Variants in DRC4 observed in about 807,000 individuals in gnomAD.
The protein encoded by DRC4 is GAS-11.
the DRC4 span, chr16:90,020,065 G>T: frequency 1.5e-6 from 1 of 674,790 alleles, no homozygotes; most frequent in Admixed American, 2.1e-5. Context: ...GCCAGCTCCT[G>T]GCCTGGGCCA....
the DRC4 span, chr16:90,035,979 C>G: frequency 1.7e-6 from 2 of 1,180,002 alleles, no homozygotes; most frequent in Non-Finnish European, 2.3e-6. Context: ...GGGCAGCCTT[C>G]TTAAAATAGT....
chr16:90,039,374 T>C, the DRC4 span, among the ~76,000 whole-genome samples: 4 of 150,860 alleles, frequency 2.7e-5, no homozygotes, highest in African/African-American at 2.4e-5. Context: ...TATTTATTTA[T>C]TTATTTATTT....
the DRC4 span, among the ~76,000 whole-genome samples, chr16:90,038,140 T>C: frequency 6.6e-6 from 1 of 152,228 alleles, no homozygotes; most frequent in African/African-American, 2.4e-5. Context: ...GGGGTCTTGA[T>C]GGGGAACGGA....
At chr16:90,031,318 G>T in the DRC4 span, 2 of 1,612,930 alleles carry the variant, frequency 1.2e-6, no homozygotes, top group African/African-American at 1.3e-5. Flanking sequence ...CATGTCAGCC[G>T]CATCCGGGAG....
At chr16:90,040,112 G>A in the DRC4 span, 23 of 628,920 alleles carry the variant, frequency 3.7e-5, no homozygotes, top group African/African-American at 5.4e-5. Flanking sequence ...CTTCCACTGC[G>A]TGGATGGCTC....
the DRC4 span, chr16:90,043,034 A>C: frequency 1.4e-6 from 1 of 722,270 alleles, no homozygotes; most frequent in Non-Finnish European, 2.2e-6. Context: ...AACGCAGTGA[A>C]GGTGCTTGGA....
chr16:90,043,240 C>T, the DRC4 span: 8 of 1,613,586 alleles, frequency 5.0e-6, no homozygotes, highest in Non-Finnish European at 5.9e-6. Flanking sequence ...AGCTGCTGGC[C>T]TTCGGGATCC....
At chr16:90,039,996 A>G in the DRC4 span, 1 of 421,004 alleles carries the variant, frequency 2.4e-6, no homozygotes, top group Non-Finnish European at 4.5e-6. Flanking sequence ...TCGGCCACCC[A>G]TGAAGCAGCT....
chr16:90,041,052 G>A, the DRC4 span, among the ~76,000 whole-genome samples: 1 of 152,166 alleles, frequency 6.6e-6, no homozygotes, highest in Non-Finnish European at 1.5e-5. Context: ...ACAGGCAGGT[G>A]AGGGAGTGAG....
the DRC4 span, chr16:90,037,432 G>A: frequency 3.5e-5 from 56 of 1,589,512 alleles, 1 homozygote; most frequent in East Asian, 1.2e-3. Flanking sequence ...CTCCCTCCTT[G>A]GCATGAGCTT....
the DRC4 span, among the ~76,000 whole-genome samples, chr16:90,033,902 C>T: frequency 2.9e-4 from 44 of 150,802 alleles, no homozygotes; most frequent in Non-Finnish European, 2.9e-5. Flanking sequence ...GGCTGGGAGA[C>T]GGGATGGGCC....
the DRC4 span, chr16:90,029,341 A>G: frequency 1.3e-5 from 17 of 1,353,152 alleles, no homozygotes; most frequent in African/African-American, 1.9e-4. Flanking sequence ...GGACAGTTTC[A>G]TCTGTTCACT....
At chr16:90,028,172 C>CTTTTT in the DRC4 span, among the ~76,000 whole-genome samples, 25 of 74,978 alleles carry the variant, frequency 3.3e-4, no homozygotes, top group African/African-American at 4.1e-4. Context: ...ATTAATCGTT[C>CTTTTT]ATTTTTTTTT....
chr16:90,043,218 C>T, the DRC4 span: 13 of 1,613,332 alleles, frequency 8.1e-6, no homozygotes, highest in East Asian at 4.5e-5. Context: ...CTGCTGCGCA[C>T]GTATGAGGCA....
At chr16:90,026,347 C>T in the DRC4 span, among the ~76,000 whole-genome samples, 151 of 152,222 alleles carry the variant, frequency 9.9e-4, no homozygotes, top group African/African-American at 3.4e-3. Context: ...GCTAAAACCA[C>T]GCACGACGCC....
At chr16:90,040,034 C>T in the DRC4 span, 2 of 507,166 alleles carry the variant, frequency 3.9e-6, no homozygotes, top group Non-Finnish European at 7.2e-6. Flanking sequence ...TCAGCTCTTA[C>T]CAGGACACTT....
At chr16:90,026,693 T>C in the DRC4 span, among the ~76,000 whole-genome samples, 2 of 151,690 alleles carry the variant, frequency 1.3e-5, no homozygotes, top group African/African-American at 4.8e-5. Flanking sequence ...CCCCCTCTCT[T>C]AGTTTTTGGA....
At chr16:90,043,871 C>T in the DRC4 span, 29,862 of 462,138 alleles carry the variant, frequency 0.065, 1,225 homozygotes, top group East Asian at 0.15. Flanking sequence ...GTGCAGCCAG[C>T]GTGCGGGAAC....
At chr16:90,033,838 T>C in the DRC4 span, among the ~76,000 whole-genome samples, 1 of 151,448 alleles carries the variant, frequency 6.6e-6, no homozygotes, top group East Asian at 2.0e-4. Flanking sequence ...AAGAGTGCCA[T>C]AGAAGGATCG....
Sources: allele counts gnomAD v4.1 joint callset (sites outside exome capture counted in the v4.1 genomes callset), GRCh38; gene constraint gnomAD v4.1.1; transcripts MANE v1.5; gene names NCBI Gene and HGNC (gene_info 2026-07-23, HGNC 2026-07-21).